Variants in SIDT1 observed in about 807,000 individuals in gnomAD.
SIDT1 encodes the protein SID1 transmembrane family, member 1.
A neutral mutation model predicts 107.5 loss-of-function variants in SIDT1; 101 were observed. The observed-to-expected ratio is 0.94, with a 90% confidence interval of 0.80 to 1.11. The LOEUF (loss-of-function observed/expected upper bound fraction) is 1.11. SIDT1 is among the 50% of genes least tolerant of loss of function. The pLI is 0.00. For missense variants in SIDT1, 1,076 were observed against 1,058.2 expected, an observed-to-expected ratio of 1.02 and a Z score of -0.23; for synonymous variants, 395 against 398.2, an observed-to-expected ratio of 0.99 and a Z score of 0.10.
chr3:113,602,949 T>C, intron 11 of SIDT1, 56 bp from the exon 12 acceptor site: 1 of 1,586,156 alleles, frequency 6.3e-7, no homozygotes, highest in Non-Finnish European at 8.6e-7. Context: ...CAGAGACGAA[T>C]GGGCTCCGTA....
At chr3:113,582,348 A>G (rs767468263) in intron 6 of SIDT1, among the ~76,000 whole-genome samples, 1 of 152,212 alleles carries the variant, frequency 6.6e-6, no homozygotes. Context: ...TTTACTGAAT[A>G]ATAAGGCAAG....
At chr3:113,567,871 G>C in intron 3 of SIDT1, 161 bp downstream of exon 3, 1 of 672,628 alleles carries the variant, frequency 1.5e-6, no homozygotes, top group Non-Finnish European at 2.5e-6. Context: ...GAGCAGCAGG[G>C]CCTTAATCTA....
intron 1 of SIDT1, among the ~76,000 whole-genome samples, chr3:113,545,674 C>T (rs1415759192): frequency 6.6e-6 from 1 of 152,186 alleles, no homozygotes; most frequent in African/African-American, 2.4e-5. Context: ...CAGATCTACC[C>T]CTAGACCATT....
At chr3:113,547,186 C>T (rs1055983825) in intron 1 of SIDT1, among the ~76,000 whole-genome samples, 13 of 152,092 alleles carry the variant, frequency 8.5e-5, no homozygotes, top group African/African-American at 3.1e-4. Context: ...GGTCATTACA[C>T]ATTCCATACA....
intron 9 of SIDT1, among the ~76,000 whole-genome samples, chr3:113,590,556 A>T (rs973492122): frequency 1.3e-5 from 2 of 152,236 alleles, no homozygotes; most frequent in Non-Finnish European, 1.5e-5. Flanking sequence ...TTGCATAACC[A>T]TCACTACGAT....
chr3:113,625,182 G>T (rs1946765784), intron 23 of SIDT1, among the ~76,000 whole-genome samples: 1 of 151,686 alleles, frequency 6.6e-6, no homozygotes, highest in Admixed American at 6.6e-5. Context: ...TGTCTCCCAG[G>T]CTGGAGTGCA....
chr3:113,608,279 G>A (rs951856216), intron 16 of SIDT1, 62 bp downstream of exon 16: 1 of 1,554,356 alleles, frequency 6.4e-7, no homozygotes, highest in Non-Finnish European at 8.7e-7. Flanking sequence ...CTGCAAAGGG[G>A]TGGGACATCT....
the SIDT1 span, among the ~76,000 whole-genome samples, chr3:113,635,727 C>T: frequency 2.8e-4 from 43 of 151,866 alleles, 5 homozygotes; most frequent in African/African-American, 9.4e-4. Flanking sequence ...ATTAGCCAGG[C>T]GTGGTGGCAG....
chr3:113,592,863 G>T (rs897073572), intron 9 of SIDT1, 142 bp from the exon 10 acceptor site: 21 of 713,668 alleles, frequency 2.9e-5, no homozygotes, highest in Non-Finnish European at 5.1e-5. Flanking sequence ...TGGGATTACA[G>T]GTGTGTGCCA....
rs1004090623 is a variant in SIDT1, at chr3:113,532,876, A to G, written c.-146A>G. 6.1e-6 allele frequency: 3 copies of G among 487,918 alleles called. No homozygotes were observed. Among genetic ancestry groups the G allele is most frequent in the Non-Finnish European group, 1.0e-5 (3 of 297,902 alleles). 30.2% of individuals were successfully genotyped at this position (487,918 alleles called of 1,614,324 possible). A position where few individuals can be genotyped will look rare whatever the true frequency, so the allele number is the denominator to read the frequency against. ...ATCGGCCCTTCGTCAGCACGCTGCC[A>G]GCCCTGGCCGGCTGGGTTCGCCAGG... On this transcript the variant is annotated 5_prime_UTR_variant, in exon 1 of 25. Coordinates refer to ENST00000264852, the MANE Select transcript of SIDT1 (RefSeq NM_017699.3).
chr3:113,608,275 AG>A (rs1462307162), intron 16 of SIDT1, 58 bp downstream of exon 16: 59 of 1,553,970 alleles, frequency 3.8e-5, no homozygotes, highest in Non-Finnish European at 5.0e-5. Context: ...GGATCTGCAA[AG>A]GGGTGGGACA....
chr3:113,616,214 G>C, intron 20 of SIDT1, 38 bp downstream of exon 20: 1 of 1,471,072 alleles, frequency 6.8e-7, no homozygotes, highest in South Asian at 1.1e-5. Context: ...CCCTGTCCCA[G>C]AAAGCAGGGG....
At chr3:113,599,901 A>T (rs13070953) in intron 10 of SIDT1, among the ~76,000 whole-genome samples, 2 of 152,074 alleles carry the variant, frequency 1.3e-5, no homozygotes, top group Non-Finnish European at 2.9e-5. Flanking sequence ...ACAACAAAAA[A>T]GAGGGAACTA....
chr3:113,563,801 T>C (rs1941657027), intron 1 of SIDT1, among the ~76,000 whole-genome samples: 1 of 152,226 alleles, frequency 6.6e-6, no homozygotes, highest in Admixed American at 6.5e-5. Flanking sequence ...TGGATGTTAG[T>C]AATTTTTAGG....
chr3:113,541,919 TTC>T (rs1458312441), intron 1 of SIDT1, among the ~76,000 whole-genome samples: 1 of 141,834 alleles, frequency 7.1e-6, no homozygotes, highest in Non-Finnish European at 1.5e-5. Context: ...ATTTTTCTTT[TTC>T]TTTCTTTTTT....
downstream of SIDT1, among the ~76,000 whole-genome samples, chr3:113,629,917 A>C (rs1208418786): frequency 6.6e-6 from 1 of 152,186 alleles, no homozygotes; most frequent in Non-Finnish European, 1.5e-5. Context: ...ATCAGTTCTA[A>C]ATGTACATGT....
intron 1 of SIDT1, among the ~76,000 whole-genome samples, chr3:113,559,095 T>A (rs574885930): frequency 1.3e-5 from 2 of 152,376 alleles, no homozygotes; most frequent in African/African-American, 4.8e-5. Context: ...TTTAATTTGG[T>A]TGTCATTCAG....
intron 1 of SIDT1, among the ~76,000 whole-genome samples, chr3:113,553,816 T>C (rs893911679): frequency 2.6e-5 from 4 of 152,024 alleles, no homozygotes; most frequent in Non-Finnish European, 5.9e-5. Flanking sequence ...GAGGCTGAGG[T>C]GGGCGGATCA....
chr3:113,583,363 T>C, intron 6 of SIDT1, 46 bp from the exon 7 acceptor site: 1 of 1,466,336 alleles, frequency 6.8e-7, no homozygotes, highest in Non-Finnish European at 9.4e-7. Context: ...TTCTCCCTTC[T>C]ACCTCTTTCT....
Sources: gnomAD v4.1 joint callset for allele counts (sites outside exome capture counted in the v4.1 genomes callset) on GRCh38, gnomAD v4.1.1 for gene constraint, MANE v1.5 for transcripts, NCBI Gene and HGNC (gene_info 2026-07-23, HGNC 2026-07-21) for gene names.